The following CDH15 variants were observed in gnomAD, a reference collection of about 807,000 sequenced individuals.
The protein encoded by CDH15 is cadherin 15.
In CDH15, 73 loss-of-function variants were observed where a neutral mutation model predicts 69.4. That is an observed-to-expected ratio of 1.05 (90% CI 0.87 to 1.28). CDH15 has a LOEUF of 1.28. CDH15 is among the 50% of genes most tolerant of loss of function. The pLI, the probability that CDH15 is intolerant of heterozygous loss-of-function variation, is 0.00. For missense variants in CDH15, 1,343 were observed against 1,133.6 expected (o/e 1.18, Z -2.65); for synonymous variants, 624 against 507.7 (o/e 1.23, Z -3.08).
rs989813276 is a variant in CDH15 at position 89,193,855 on chromosome 16, C to G, written c.2093C>G (p.Pro698Arg). The part of the protein sequence containing the change: ...RRDAPQGRLH[P>R]QPPRVLPTSP... ...GATGCCCCGCAGGGCCGCCTGCACCCCCAGCCACCCCGAGTGCTGCCCACC... is the reference window on the plus strand; with the variant it reads ...GATGCCCCGCAGGGCCGCCTGCACCGCCAGCCACCCCGAGTGCTGCCCACC... The change falls in exon 13 of 14, where the codon CCC (proline) becomes CGC (arginine). Residue 698 changes from proline to arginine, a missense_variant. Physicochemically the swap from Pro to Arg is moderately radical, Grantham distance 103. Transcript: ENST00000289746. 6.2e-7 allele frequency: 1 copy of G among 1,611,916 alleles called. No individual in the cohort carries two copies. Among genetic ancestry groups the G allele is most frequent in the Non-Finnish European group, 8.5e-7 (1 of 1,179,750 alleles).
intron 5 of CDH15, 67 bp from the exon 6 acceptor site, chr16:89,187,362 C>T: frequency 1.3e-6 from 2 of 1,598,586 alleles, no homozygotes; most frequent in Non-Finnish European, 1.7e-6. Context: ...CTGGCTCCCA[C>T]CCCTGACCAG....
chr16:89,179,396 C>T lies in CDH15; in HGVS notation c.43-20C>T, dbSNP rs369953213. 2.1e-4 allele frequency: 340 copies of T among 1,613,274 alleles called. 1 individual carries two copies. In the African/African-American group the frequency reaches 3.0e-3, roughly 14 times the overall value. On this transcript the variant is annotated intron_variant, in intron 1 of 13. Transcript: ENST00000289746. ...GGCTCCAGGAGACGGTACTGTGGGA[C>T]GCATCTGTCTTTGTTGCAGAGCCTC...
In CDH15 at chr16:89,194,218, C is replaced by T. The variant is rs1007312203; in HGVS notation, c.2151+305C>T. Among the ~76,000 whole-genome samples, 7 of 152,208 alleles carry T rather than the reference C, an allele frequency of 4.6e-5. No individual in the cohort carries two copies. The East Asian group carries it at 1.2e-3, about 25-fold the overall frequency. On this transcript the variant is annotated intron_variant, in intron 13 of 13. Transcript: ENST00000289746. ...GGGGGTGGGGGAGCCCCGGGAGCAT[C>T]CCCTGGGCTTCGGTGGCTGTCAGCG...
Position 89,193,801 on chromosome 16 carries a change from T to A in CDH15, c.2039T>A (p.Leu680Gln), listed in dbSNP as rs755933786. 23 of 1,607,904 alleles carry A rather than the reference T, an allele frequency of 1.4e-5. No individual in the cohort carries two copies. Among genetic ancestry groups the A allele is most frequent in the African/African-American group, 2.7e-5 (2 of 74,878 alleles). Residue 680 changes from leucine (L) to glutamine (Q), a missense_variant, in exon 13 of 14, where the codon CTG (leucine) becomes CAG (glutamine). Physicochemically the swap from Leu to Gln is moderately radical, Grantham distance 113. Coordinates refer to ENST00000289746, the MANE Select transcript of CDH15 (RefSeq NM_004933.3). ...SQLRHPTALS[L>Q]PLGPPPLRRD... ...CTGCGTCACCCGACAGCGCTGAGCC[T>A]GCCTCTGGGACCGCCGCCACTTCGC...
At chr16:89,173,232 G>A (rs1915193972) in intron 1 of CDH15, among the ~76,000 whole-genome samples, 1 of 152,170 alleles carries the variant, frequency 6.6e-6, no homozygotes, top group South Asian at 2.1e-4. Flanking sequence ...TGCCTCCAGG[G>A]CCCTTCCCCA....
At position 89,191,742 on chromosome 16, in the gene CDH15, C is replaced by G. The variant is rs1460761812; in HGVS notation, c.1463C>G (p.Pro488Arg). ...DHAPVLAPPP[P>R]GSLCSEPHQG... ...GCACCTGTGCTGGCCCCGCCGCCGC[C>G]GGGCAGCCTGTGCAGCGAGCCACAC... is the stretch of plus-strand genomic sequence containing the variant. Residue 488 changes from proline to arginine, a missense_variant, in exon 10 of 14, where the codon CCG (proline) becomes CGG (arginine). Pro to Arg is a moderately radical substitution (Grantham distance 103, BLOSUM62 -2). Transcript: ENST00000289746. 1 of 1,604,312 alleles carries G rather than the reference C, an allele frequency of 6.2e-7. No homozygotes were observed. Among genetic ancestry groups the G allele is most frequent in the African/African-American group, 1.3e-5 (1 of 74,880 alleles).
At chr16:89,185,563 G>A (rs1353330021) in intron 5 of CDH15, 2 of 606,326 alleles carry the variant, frequency 3.3e-6, no homozygotes, top group Non-Finnish European at 6.0e-6. Context: ...GGGCGTGAGG[G>A]GCCCGGCACA....
chr16:89,191,568 G>T, intron 9 of CDH15, 87 bp from the exon 10 acceptor site: 1 of 1,581,328 alleles, frequency 6.3e-7, no homozygotes, highest in Non-Finnish European at 8.6e-7. Flanking sequence ...GTCGCCCGGG[G>T]GCTCAGAGCT....
Position 89,187,572 on chromosome 16 carries a change from C to T in CDH15, c.792+15C>T, listed in dbSNP as rs1298939907. 1 of 1,613,226 alleles carries T rather than the reference C, an allele frequency of 6.2e-7. No homozygotes were observed. Among genetic ancestry groups the T allele is most frequent in the Non-Finnish European group, 8.5e-7 (1 of 1,180,012 alleles). On this transcript the variant is annotated intron_variant, in intron 6 of 13. Coordinates refer to ENST00000289746, the MANE Select transcript of CDH15 (RefSeq NM_004933.3). ...CCAGGGATGAGGTGCTGCTGCTGTC[C>T]CTCCCTCGAAAGTAGCCCCTGCTTA...
chr16:89,189,095 CCACA>C (rs959956606), intron 7 of CDH15, among the ~76,000 whole-genome samples: 1 of 136,012 alleles, frequency 7.4e-6, no homozygotes, highest in Non-Finnish European at 1.6e-5. Context: ...ACACAGATGC[CCACA>C]CACAGATGCC....
intron 3 of CDH15, among the ~76,000 whole-genome samples, chr16:89,180,831 C>T (rs1470261414): frequency 1.3e-5 from 2 of 152,056 alleles, no homozygotes; most frequent in African/African-American, 4.8e-5. Flanking sequence ...TCACGCCATT[C>T]TCCTGCCTCA....
intron 13 of CDH15, 118 bp from the exon 14 acceptor site, chr16:89,194,744 G>A: frequency 9.8e-7 from 1 of 1,016,906 alleles, no homozygotes; most frequent in Non-Finnish European, 1.5e-6. Flanking sequence ...CCCGGACGTG[G>A]GCAGCTTCCC....
At chr16:89,183,330 G>A in intron 3 of CDH15, 1 of 564,644 alleles carries the variant, frequency 1.8e-6, no homozygotes, top group East Asian at 2.9e-5. Context: ...AGCAGGGAAA[G>A]TGGCACCTGC....
chr16:89,188,129 C>T lies in CDH15; in HGVS notation c.822C>T (p.Ser274=), dbSNP rs541243986. ...TCATGGAGGCCATAGAGGCCGTCAG[C>T]GGAGTGGATGTGGGACGCCTGGAAG... ...EFFMEAIEAV[S]GVDVGRLEVE... The change falls in exon 7 of 14, where the codon AGC becomes AGT. Residue 274 remains serine (S), a synonymous_variant. Coordinates refer to ENST00000289746, the MANE Select transcript of CDH15 (RefSeq NM_004933.3). 7.1e-5 allele frequency: 115 copies of T among 1,612,778 alleles called. No homozygotes were observed. Among genetic ancestry groups the T allele is most frequent in the Middle Eastern group, 1.6e-4 (1 of 6,078 alleles).
intron 1 of CDH15, among the ~76,000 whole-genome samples, chr16:89,174,198 C>T (rs929691615): frequency 6.6e-6 from 1 of 152,204 alleles, no homozygotes; most frequent in African/African-American, 2.4e-5. Context: ...GAGGGTGGGG[C>T]CCAGGGAAGA....
Position 89,180,976 on chromosome 16 carries a change from T to C in CDH15, c.357+621T>C, listed in dbSNP as rs1414753978. ...CTGAGTGAGCCACCGCGCCCGACCT[T>C]TTTTTTTTTTTGAGATGGAGCTTCA... On this transcript the variant is annotated intron_variant, in intron 3 of 13. Transcript: ENST00000289746. Among the ~76,000 whole-genome samples the C allele has an allele frequency of 1.6e-4, 23 of 141,906 alleles. 1 individual carries two copies. Among genetic ancestry groups the C allele is most frequent in the Admixed American group, 1.3e-3 (18 of 14,302 alleles). The allele number at this position is 141,906 out of a possible 152,430, so 93.1% of individuals were successfully genotyped here. A position where few individuals can be genotyped will look rare whatever the true frequency, so the allele number is the denominator to read the frequency against.
chr16:89,192,226 C>T lies in CDH15; in HGVS notation c.1637C>T (p.Pro546Leu). The T allele has an allele frequency of 6.5e-7, 1 of 1,529,254 alleles. No homozygotes were observed. The highest frequency in any genetic ancestry group is 8.7e-7 in the Non-Finnish European group (1 of 1,144,598). The allele number at this position is 1,529,254 out of a possible 1,614,324, so 94.7% of individuals were successfully genotyped here. A position where few individuals can be genotyped will look rare whatever the true frequency, so the allele number is the denominator to read the frequency against. ...GCAGTGAGCCACGCGCGCCTGCGGC[C>T]GCGACACCAGGTCCCCGAAGGCCTG... ...QVNVSHARLR[P>L]RHQVPEGLHR... Residue 546 changes from proline (P) to leucine (L), a missense_variant, in exon 11 of 14, where the codon CCG (proline) becomes CTG (leucine). Transcript: ENST00000289746.
Position 89,191,797 on chromosome 16 carries a change from G to A in CDH15, c.1518G>A (p.Thr506=), listed in dbSNP as rs745962239. 1.2e-6 allele frequency: 2 copies of A among 1,605,898 alleles called. No individual in the cohort carries two copies. Among genetic ancestry groups the A allele is most frequent in the African/African-American group, 1.3e-5 (1 of 74,888 alleles). Residue 506 remains threonine, a synonymous_variant, in exon 10 of 14, where the codon ACG becomes ACA. Transcript: ENST00000289746. Reference sequence around the variant, plus strand: ...GCCCAGGCCTCCTCCTGGGCGCCACGGATGAGGACCTGCCCCCCCACGGGG... The same window carrying A: ...GCCCAGGCCTCCTCCTGGGCGCCACAGATGAGGACCTGCCCCCCCACGGGG... ...HQGPGLLLGA[T]DEDLPPHGAP...
At chr16:89,194,809 G>A in intron 13 of CDH15, 53 bp from the exon 14 acceptor site, 7 of 1,541,702 alleles carry the variant, frequency 4.5e-6, no homozygotes, top group South Asian at 1.2e-5. Flanking sequence ...CCACGGCGGT[G>A]GGGCACCCGC....
Sources: allele counts gnomAD v4.1 joint callset (sites outside exome capture counted in the v4.1 genomes callset), GRCh38; gene constraint gnomAD v4.1.1; transcripts MANE v1.5; gene names NCBI Gene and HGNC (gene_info 2026-07-23, HGNC 2026-07-21).